The following ARNT2 variants were observed in gnomAD, a reference collection of about 807,000 sequenced individuals.
ARNT2 encodes the protein aryl hydrocarbon receptor nuclear translocator 2.
Under a neutral mutation model 91.7 loss-of-function variants are expected in ARNT2, and 36 were observed. The observed-to-expected ratio is 0.39, with a 90% confidence interval of 0.30 to 0.52. The LOEUF (loss-of-function observed/expected upper bound fraction) is 0.52. Ranked by LOEUF, ARNT2 falls within the 20% of genes least tolerant of loss-of-function variation. The probability of loss-of-function intolerance (pLI) is 0.72; values close to 1 mark genes in which losing one functional copy is unlikely to be tolerated. For synonymous variants in ARNT2, 365 were observed against 347.1 expected, an observed-to-expected ratio of 1.05 and a Z score of -0.57; for missense variants, 775 against 939.3, an observed-to-expected ratio of 0.83 and a Z score of 2.29.
chr15:80,424,775 C>G (rs1895909410), intron 1 of ARNT2, among the ~76,000 whole-genome samples: 1 of 74,544 alleles, frequency 1.3e-5, no homozygotes, highest in Non-Finnish European at 3.5e-5. Flanking sequence ...CAAAACAGCC[C>G]TCAAAAAAAA....
chr15:80,525,858 T>G (rs1897631851), intron 8 of ARNT2, among the ~76,000 whole-genome samples: 1 of 152,204 alleles, frequency 6.6e-6, no homozygotes, highest in South Asian at 2.1e-4. Context: ...TGCTTGCTCA[T>G]GAGTTCAAGT....
intron 1 of ARNT2, chr15:80,441,463 T>A (rs1896187567): frequency 1.1e-6 from 1 of 923,072 alleles, no homozygotes; most frequent in Non-Finnish European, 1.3e-6. Context: ...TTTCTTTGGT[T>A]AGTTGCCTGC....
At chr15:80,556,037 G>C (rs1172391869) in intron 11 of ARNT2, 2 of 151,894 alleles carry the variant, frequency 1.3e-5, no homozygotes, top group Non-Finnish European at 2.9e-5. Context: ...TGTAATCCCA[G>C]CACTTTGGGA....
intron 3 of ARNT2, among the ~76,000 whole-genome samples, chr15:80,462,402 A>G (rs1241917936): frequency 6.6e-6 from 1 of 152,246 alleles, no homozygotes; most frequent in African/African-American, 2.4e-5. Flanking sequence ...GTAATGTGTC[A>G]TTAAAACAAA....
chr15:80,563,524 C>T (rs558659458), intron 12 of ARNT2, among the ~76,000 whole-genome samples: 1 of 152,336 alleles, frequency 6.6e-6, no homozygotes, highest in Non-Finnish European at 1.5e-5. Flanking sequence ...TCTTTTCTTC[C>T]CCCTGAGCAT....
At chr15:80,586,087 A>G (rs1327535557) in intron 17 of ARNT2, among the ~76,000 whole-genome samples, 1 of 152,026 alleles carries the variant, frequency 6.6e-6, no homozygotes, top group Admixed American at 6.6e-5. Flanking sequence ...TTTCATCTCA[A>G]CTACTGCCAG....
Position 80,553,057 on chromosome 15 carries a change from C to A in ARNT2, c.1089+283C>A, listed in dbSNP as rs1160069115. ...TTAAGATGTTCTATTAATAGGGGAT[C>A]TCTTATTAATATTCATTACAAAGCT... On this transcript the variant is annotated intron_variant, in intron 10 of 18. Coordinates refer to ENST00000303329, the MANE Select transcript of ARNT2 (RefSeq NM_014862.4). Among the ~76,000 whole-genome samples the A allele has an allele frequency of 3.9e-5, 6 of 152,322 alleles. No homozygotes were observed. In the East Asian group the frequency reaches 1.2e-3, roughly 29 times the overall value.
rs1270198936 is a variant in ARNT2 at position 80,470,213 on chromosome 15, G to A, written c.195-5G>A. 3 of 1,613,256 alleles carry A rather than the reference G, an allele frequency of 1.9e-6. No homozygotes were observed. The highest frequency in any genetic ancestry group is 1.7e-5 in the Admixed American group (1 of 59,928). ...CCCTCTCCTGATCTCGTGCTTTCTG[G>A]AAAGAGAGAATCATAGTGAAATCGA... On this transcript the variant is annotated splice_polypyrimidine_tract_variant and splice_region_variant and intron_variant, in intron 3 of 18. Transcript: ENST00000303329.
At chr15:80,525,009 C>G (rs753788339) in intron 8 of ARNT2, among the ~76,000 whole-genome samples, 1 of 152,042 alleles carries the variant, frequency 6.6e-6, no homozygotes, top group African/African-American at 2.4e-5. Flanking sequence ...AAAAATGATA[C>G]GGAGAATAGT....
intron 17 of ARNT2, among the ~76,000 whole-genome samples, chr15:80,582,369 G>A (rs534916939): frequency 6.6e-6 from 1 of 151,530 alleles, no homozygotes; most frequent in South Asian, 2.1e-4. Flanking sequence ...TGTGGTGCAT[G>A]CCTGTAATTC....
intron 1 of ARNT2, among the ~76,000 whole-genome samples, chr15:80,442,347 C>T (rs974852616): frequency 4.6e-5 from 7 of 152,190 alleles, no homozygotes; most frequent in Admixed American, 1.3e-4. Flanking sequence ...TCCCAGCCTT[C>T]CCCACCACAT....
At chr15:80,577,502 C>G (rs755408301) in intron 15 of ARNT2, among the ~76,000 whole-genome samples, 6 of 152,226 alleles carry the variant, frequency 3.9e-5, no homozygotes, top group Non-Finnish European at 8.8e-5. Flanking sequence ...GAGGCAAGGC[C>G]TGGCTCCACT....
chr15:80,517,698 T>C (rs1179906131), intron 8 of ARNT2, among the ~76,000 whole-genome samples: 1 of 151,958 alleles, frequency 6.6e-6, no homozygotes, highest in Non-Finnish European at 1.5e-5. Context: ...TGATATATCT[T>C]CAAGTTCACT....
chr15:80,495,727 C>T (rs1273609538), intron 5 of ARNT2, among the ~76,000 whole-genome samples: 1 of 152,146 alleles, frequency 6.6e-6, no homozygotes, highest in Non-Finnish European at 1.5e-5. Context: ...GGGTTGGGCC[C>T]CAGCCCACCT....
chr15:80,446,441 A>G (rs987349738), intron 1 of ARNT2, among the ~76,000 whole-genome samples: 1 of 152,162 alleles, frequency 6.6e-6, no homozygotes, highest in Admixed American at 6.5e-5. Flanking sequence ...AACATGTCCT[A>G]CGTGCCATAC....
chr15:80,540,631 T>C (rs767136291), intron 8 of ARNT2, among the ~76,000 whole-genome samples: 22 of 152,154 alleles, frequency 1.4e-4, no homozygotes, highest in African/African-American at 5.1e-4. Context: ...ATAGGTAGTT[T>C]TGAAACCTTT....
chr15:80,452,422 C>T (rs569237860), intron 2 of ARNT2, among the ~76,000 whole-genome samples: 7 of 152,330 alleles, frequency 4.6e-5, no homozygotes, highest in East Asian at 1.9e-4. Flanking sequence ...TGTGGCTCAC[C>T]GCTGGGGCTT....
At chr15:80,483,699 A>G (rs985805860) in intron 5 of ARNT2, among the ~76,000 whole-genome samples, 4 of 152,152 alleles carry the variant, frequency 2.6e-5, no homozygotes, top group African/African-American at 7.2e-5. Context: ...TCATCCTGTC[A>G]CCCTGGAAGG....
At chr15:80,583,484 A>G (rs763796857) in intron 17 of ARNT2, among the ~76,000 whole-genome samples, 1 of 152,266 alleles carries the variant, frequency 6.6e-6, no homozygotes, top group Non-Finnish European at 1.5e-5. Context: ...GAACAGGCTC[A>G]ACACAGATGG....
Sources: gnomAD v4.1 joint callset for allele counts (sites outside exome capture counted in the v4.1 genomes callset) on GRCh38, gnomAD v4.1.1 for gene constraint, MANE v1.5 for transcripts, NCBI Gene and HGNC (gene_info 2026-07-23, HGNC 2026-07-21) for gene names.